The following DCT variants were observed in gnomAD, a reference collection of about 807,000 sequenced individuals.
DCT encodes the protein dopachrome tautomerase, also known as L-dopachrome tautomerase.
DCT carries 47 observed loss-of-function variants against 53.0 expected under a neutral mutation model. That is an observed-to-expected ratio of 0.89 (90% CI 0.70 to 1.13). DCT has a LOEUF of 1.13. DCT is among the 50% of genes most tolerant of loss of function. The probability of loss-of-function intolerance (pLI) is 0.00; values close to 1 mark genes in which losing one functional copy is unlikely to be tolerated. For missense variants in DCT, 669 were observed against 637.4 expected, an observed-to-expected ratio of 1.05 and a Z score of -0.53; for synonymous variants, 244 against 237.0, an observed-to-expected ratio of 1.03 and a Z score of -0.27.
chr13:94,535,074 A>T, the DCT span, among the ~76,000 whole-genome samples: 1 of 152,242 alleles, frequency 6.6e-6, no homozygotes, highest in Non-Finnish European at 1.5e-5. Context: ...TTCTGCAAAC[A>T]TCACTTGAAG....
chr13:94,511,030 A>G, the DCT span, among the ~76,000 whole-genome samples: 2 of 152,126 alleles, frequency 1.3e-5, no homozygotes, highest in Non-Finnish European at 2.9e-5. Flanking sequence ...TCTATCTTCC[A>G]TCTAATTTAT....
At chr13:94,469,873 G>C (rs964520306) in intron 1 of DCT, among the ~76,000 whole-genome samples, 10 of 152,140 alleles carry the variant, frequency 6.6e-5, no homozygotes, top group Middle Eastern at 3.2e-3. Context: ...TCTGGAGTTC[G>C]AGACCAGACT....
At chr13:94,502,878 C>A in the DCT span, among the ~76,000 whole-genome samples, 2 of 152,138 alleles carry the variant, frequency 1.3e-5, no homozygotes, top group African/African-American at 2.4e-5. Context: ...GCCTGCCACC[C>A]CAGGTCCCCA....
At chr13:94,537,469 C>A in the DCT span, among the ~76,000 whole-genome samples, 8 of 152,156 alleles carry the variant, frequency 5.3e-5, no homozygotes, top group African/African-American at 1.9e-4. Flanking sequence ...GGCAGATGGC[C>A]GTTCCTAAAC....
Position 94,439,840 on chromosome 13 carries a change from T to G in DCT, c.*58A>C. The G allele has an allele frequency of 1.1e-5, 15 of 1,328,392 alleles. No homozygotes were observed. The highest frequency in any genetic ancestry group is 1.6e-5 in the Non-Finnish European group (15 of 954,592). 82.3% of individuals were successfully genotyped at this position (1,328,392 alleles called of 1,614,324 possible). The stretch of plus-strand genomic sequence containing the variant: ...GAACAGTGAGGATTAGTTCCTTTAT[T>G]GTCAGCGTCAGAACTGTGGCTTGGC... On this transcript the variant is annotated 3_prime_UTR_variant, in exon 8 of 8. Transcript: ENST00000377028.
the DCT span, among the ~76,000 whole-genome samples, chr13:94,486,076 G>A: frequency 6.6e-6 from 1 of 152,118 alleles, no homozygotes; most frequent in Non-Finnish European, 1.5e-5. Flanking sequence ...GAAAACAGAG[G>A]CTGCCAGACC....
At chr13:94,506,765 G>A in the DCT span, among the ~76,000 whole-genome samples, 3 of 152,112 alleles carry the variant, frequency 2.0e-5, no homozygotes, top group Non-Finnish European at 2.9e-5. Context: ...GGGGAAATCT[G>A]TAGGATACCG....
chr13:94,445,707 G>A (rs1272760546), intron 6 of DCT: 1 of 1,573,336 alleles, frequency 6.4e-7, no homozygotes. Flanking sequence ...AGCCTCCCAG[G>A]CTCATGGTTA....
Position 94,478,991 on chromosome 13 carries a change from T to C in DCT, c.265A>G (p.Lys89Glu). The C allele has an allele frequency of 6.2e-7, 1 of 1,612,566 alleles. No individual in the cohort carries two copies. Among genetic ancestry groups the C allele is most frequent in the East Asian group, 2.2e-5 (1 of 44,834 alleles). The change falls in exon 1 of 8, where the codon AAA (lysine) becomes GAA (glutamate). Residue 89 changes from lysine (K) to glutamate (E), a missense_variant. Transcript: ENST00000377028. ...CACTTGCAGGTCCGGTGGAAGAATT[T>C]TCTTGGCCACAGCTCACGGTCATCC... Reference protein sequence around the residue: ...NQDDRELWPRKFFHRTCKCTG... With the variant: ...NQDDRELWPREFFHRTCKCTG...
At chr13:94,479,948 T>C (rs369302019), upstream of DCT, among the ~76,000 whole-genome samples, 9 of 152,332 alleles carry the variant, frequency 5.9e-5, no homozygotes, top group South Asian at 1.2e-3. Context: ...GTAGATGCAG[T>C]GAGCTCTTCG....
the DCT span, among the ~76,000 whole-genome samples, chr13:94,536,673 T>C: frequency 1.3e-5 from 2 of 152,138 alleles, no homozygotes; most frequent in Non-Finnish European, 2.9e-5. Flanking sequence ...CTGGGCACGG[T>C]GGCTCACGCT....
rs1291703844 is a variant in DCT, at chr13:94,479,504, C to T, written c.-249G>A. On this transcript the variant is annotated 5_prime_UTR_variant, in exon 1 of 8. Coordinates refer to ENST00000377028, the MANE Select transcript of DCT (RefSeq NM_001922.5). Reference sequence around the variant, plus strand: ...CTAACAGACTTAATTTCCTTAGAAGCGCCTCTAACAACCAAATTTAATGAG... The same window carrying T: ...CTAACAGACTTAATTTCCTTAGAAGTGCCTCTAACAACCAAATTTAATGAG... 2.8e-5 allele frequency: 12 copies of T among 421,176 alleles called. No individual in the cohort carries two copies. Among genetic ancestry groups the T allele is most frequent in the Admixed American group, 4.1e-5 (1 of 24,622 alleles). 26.1% of individuals were successfully genotyped at this position (421,176 alleles called of 1,614,324 possible).
intron 1 of DCT, among the ~76,000 whole-genome samples, chr13:94,478,473 T>A (rs1315828246): frequency 6.6e-6 from 1 of 151,808 alleles, no homozygotes; most frequent in Non-Finnish European, 1.5e-5. Context: ...CGAGACTCCA[T>A]CTCCAAAAAA....
chr13:94,500,718 C>T, the DCT span, among the ~76,000 whole-genome samples: 2 of 152,200 alleles, frequency 1.3e-5, no homozygotes, highest in Non-Finnish European at 2.9e-5. Context: ...TTGTGTACCA[C>T]ATTTTCTTTG....
the DCT span, among the ~76,000 whole-genome samples, chr13:94,518,166 GAAGGAAGA>G: frequency 7.0e-6 from 1 of 143,094 alleles, no homozygotes; most frequent in Non-Finnish European, 1.5e-5. Flanking sequence ...ATGAAGGAAG[GAAGGAAGA>G]AAGAAAGAAA....
chr13:94,468,322 G>T (rs542659152), intron 2 of DCT: 5 of 177,274 alleles, frequency 2.8e-5, no homozygotes, highest in Non-Finnish European at 4.9e-5. Flanking sequence ...CTCTAATTCC[G>T]CACAAAGAAG....
the DCT span, among the ~76,000 whole-genome samples, chr13:94,507,676 AT>A: frequency 2.0e-5 from 3 of 151,896 alleles, no homozygotes. Flanking sequence ...AATTTTTGGT[AT>A]TTTTAGTAGA....
At chr13:94,510,405 C>T in the DCT span, among the ~76,000 whole-genome samples, 1 of 127,884 alleles carries the variant, frequency 7.8e-6, no homozygotes, top group African/African-American at 3.0e-5. Context: ...CAATTAAGCA[C>T]TTGCATTGTG....
chr13:94,466,004 A>ACTG, intron 3 of DCT, among the ~76,000 whole-genome samples: 1 of 65,518 alleles, frequency 1.5e-5, no homozygotes, highest in African/African-American at 5.4e-5. Flanking sequence ...ATATATATAT[A>ACTG]TATATATATA....
Sources: gnomAD v4.1 joint callset for allele counts (sites outside exome capture counted in the v4.1 genomes callset) on GRCh38, gnomAD v4.1.1 for gene constraint, MANE v1.5 for transcripts, NCBI Gene and HGNC (gene_info 2026-07-23, HGNC 2026-07-21) for gene names.